SUSD5: variants seen among roughly 807,000 people sequenced by gnomAD.
The protein encoded by SUSD5 is sushi domain-containing protein 5.
Under a neutral mutation model 29.5 loss-of-function variants are expected in SUSD5, and 33 were observed. That is an observed-to-expected ratio of 1.12 (90% CI 0.85 to 1.49). The LOEUF (loss-of-function observed/expected upper bound fraction) is 1.49. Ranked by LOEUF, SUSD5 falls within the 40% of genes most tolerant of loss-of-function variation. SUSD5 has a pLI of 0.00. For synonymous variants in SUSD5, 308 were observed against 325.3 expected (o/e 0.95, Z 0.57); for missense variants, 776 against 800.6 (o/e 0.97, Z 0.37).
chr3:33,198,898 G>A (rs1222536094), intron 3 of SUSD5, among the ~76,000 whole-genome samples: 1 of 152,104 alleles, frequency 6.6e-6, no homozygotes, highest in Non-Finnish European at 1.5e-5. Context: ...CCCACCCCGG[G>A]ACACTGAAGT....
intron 3 of SUSD5, among the ~76,000 whole-genome samples, chr3:33,205,652 C>T (rs2032204080): frequency 1.3e-5 from 2 of 152,244 alleles, no homozygotes; most frequent in African/African-American, 4.8e-5. Flanking sequence ...ACATAACTTG[C>T]TCGATGGTCT....
intron 3 of SUSD5, among the ~76,000 whole-genome samples, chr3:33,207,134 A>G (rs1175520896): frequency 1.3e-5 from 2 of 152,198 alleles, no homozygotes; most frequent in African/African-American, 4.8e-5. Flanking sequence ...TGATTTCCCA[A>G]TAGGAATTTG....
intron 4 of SUSD5, among the ~76,000 whole-genome samples, chr3:33,166,640 C>A (rs2125617464): frequency 6.6e-6 from 1 of 152,244 alleles, no homozygotes; most frequent in African/African-American, 2.4e-5. Context: ...TTCCCCCTGC[C>A]CACAGCATGG....
chr3:33,153,340 A>G lies in SUSD5; in HGVS notation c.1292T>C (p.Met431Thr), dbSNP rs1358013360. 1.2e-6 allele frequency: 2 copies of G among 1,613,954 alleles called. No homozygotes were observed. The highest frequency in any genetic ancestry group is 1.7e-5 in the Admixed American group (1 of 60,012). ...KSSTLTPSEG[M>T]THSSVLPSQM... ...AGATGGAAGAACTGAACTATGGGTC[A>G]TGCCCTCGCTTGGTGTGAGGGTGCT... Residue 431 changes from methionine to threonine, a missense_variant, in exon 5 of 5, where the codon ATG becomes ACG. Transcript: ENST00000309558.
rs888184550 is a variant in SUSD5, at chr3:33,153,727, T to C, written c.905A>G (p.His302Arg). The change falls in exon 5 of 5, where the codon CAC (histidine) becomes CGC (arginine). Residue 302 changes from histidine (H) to arginine (R), a missense_variant. By Grantham distance (29) the His-to-Arg change is conservative. Transcript: ENST00000309558. ...HLFWFPAEAF[H>R]KPGLEKEVDD... is the part of the protein sequence containing the mutation. ...CACCTCCTTTTCCAACCCAGGCTTG[T>C]GGAAAGCCTCAGCAGGAAACCAGAA... is the stretch of plus-strand genomic sequence containing the variant. 6.2e-7 allele frequency: 1 copy of C among 1,613,934 alleles called. No homozygotes were observed.
At chr3:33,197,328 C>A (rs1013441998) in intron 3 of SUSD5, among the ~76,000 whole-genome samples, 1 of 152,168 alleles carries the variant, frequency 6.6e-6, no homozygotes, top group African/African-American at 2.4e-5. Flanking sequence ...AATGATAACA[C>A]CCTGCCTACA....
chr3:33,205,391 G>C (rs1422112368), intron 3 of SUSD5, among the ~76,000 whole-genome samples: 1 of 152,066 alleles, frequency 6.6e-6, no homozygotes, highest in African/African-American at 2.4e-5. Context: ...TCTTCAATTT[G>C]AGTTTGGTTA....
Position 33,214,117 on chromosome 3 carries a change from C to A in SUSD5, c.113-12G>T. On this transcript the variant is annotated splice_polypyrimidine_tract_variant and intron_variant, in intron 1 of 4. Coordinates refer to ENST00000309558, the MANE Select transcript of SUSD5 (RefSeq NM_015551.2). The stretch of plus-strand genomic sequence containing the variant: ...CACAAAGAACTTTCCTGTGTGGGAA[C>A]AAGAACAAACACATGTGGATTTCAG... 1 of 1,583,096 alleles carries A rather than the reference C, an allele frequency of 6.3e-7. No homozygotes were observed. Among genetic ancestry groups the A allele is most frequent in the Non-Finnish European group, 8.6e-7 (1 of 1,165,630 alleles).
chr3:33,210,012 C>G (rs553669355), intron 2 of SUSD5, among the ~76,000 whole-genome samples: 1 of 152,292 alleles, frequency 6.6e-6, no homozygotes, highest in South Asian at 2.1e-4. Context: ...ATCCTAATGT[C>G]TGGAGTTTCT....
At chr3:33,189,739 T>C (rs1033804637) in intron 3 of SUSD5, among the ~76,000 whole-genome samples, 1 of 152,172 alleles carries the variant, frequency 6.6e-6, no homozygotes, top group Non-Finnish European at 1.5e-5. Flanking sequence ...TAGATTGGCA[T>C]AGTTAAGACC....
intron 3 of SUSD5, among the ~76,000 whole-genome samples, chr3:33,201,196 G>A (rs538022384): frequency 6.6e-6 from 1 of 152,316 alleles, no homozygotes; most frequent in African/African-American, 2.4e-5. Flanking sequence ...CAGAGGTCAT[G>A]TGGACCCTCA....
chr3:33,215,741 T>C (rs1434285767), intron 1 of SUSD5, among the ~76,000 whole-genome samples: 1 of 152,148 alleles, frequency 6.6e-6, no homozygotes, highest in African/African-American at 2.4e-5. Flanking sequence ...GCATGGAAAT[T>C]ACAAAATATA....
intron 4 of SUSD5, among the ~76,000 whole-genome samples, chr3:33,165,970 C>T (rs543296241): frequency 3.4e-4 from 51 of 149,034 alleles, no homozygotes; most frequent in African/African-American, 1.2e-3. Flanking sequence ...TAGTGAGACC[C>T]ACTGCACCGC....
chr3:33,216,713 A>G (rs2032433674), intron 1 of SUSD5, among the ~76,000 whole-genome samples: 1 of 152,158 alleles, frequency 6.6e-6, no homozygotes, highest in Non-Finnish European at 1.5e-5. Context: ...ATCTCTTCAA[A>G]CATCTGTAAT....
At chr3:33,157,945 T>C (rs1315384733) in intron 4 of SUSD5, among the ~76,000 whole-genome samples, 2 of 152,236 alleles carry the variant, frequency 1.3e-5, no homozygotes, top group Non-Finnish European at 2.9e-5. Flanking sequence ...TGGTCTATTA[T>C]GCAGAAAAAG....
chr3:33,187,246 G>A (rs534175365), intron 3 of SUSD5, among the ~76,000 whole-genome samples: 1 of 152,178 alleles, frequency 6.6e-6, no homozygotes, highest in Non-Finnish European at 1.5e-5. Flanking sequence ...AGTAGAGAAG[G>A]AGGAACTTCA....
chr3:33,187,580 A>G (rs2031803340), intron 3 of SUSD5, among the ~76,000 whole-genome samples: 1 of 152,158 alleles, frequency 6.6e-6, no homozygotes, highest in Non-Finnish European at 1.5e-5. Flanking sequence ...GAGCTATGGA[A>G]AACAGCTGGC....
chr3:33,166,611 T>C (rs1435047412), intron 4 of SUSD5, among the ~76,000 whole-genome samples: 1 of 152,156 alleles, frequency 6.6e-6, no homozygotes, highest in Non-Finnish European at 1.5e-5. Flanking sequence ...AACAAGGGCA[T>C]GTCCCCCCTG....
Position 33,217,099 on chromosome 3 carries a change from A to G in SUSD5, c.112+1587T>C, listed in dbSNP as rs765767827. 5.3e-5 allele frequency among the ~76,000 whole-genome samples: 8 copies of G among 152,342 alleles called. No homozygotes were observed. The South Asian group carries it at 1.7e-3, about 32-fold the overall frequency. On this transcript the variant is annotated intron_variant, in intron 1 of 4. Coordinates refer to ENST00000309558, the MANE Select transcript of SUSD5 (RefSeq NM_015551.2). The stretch of plus-strand genomic sequence containing the variant: ...GTATCAAGCTAGACAGGCACAAAAT[A>G]TTGATCCTTATCCACATGGCATTCC...
Sources: gnomAD v4.1 joint callset for allele counts (sites outside exome capture counted in the v4.1 genomes callset) on GRCh38, gnomAD v4.1.1 for gene constraint, MANE v1.5 for transcripts, NCBI Gene and HGNC (gene_info 2026-07-23, HGNC 2026-07-21) for gene names.